DCDC1: variants seen among roughly 807,000 people sequenced by gnomAD.
DCDC1 encodes the protein doublecortin domain containing 1.
A neutral mutation model predicts 178.3 loss-of-function variants in DCDC1; 200 were observed. That is an observed-to-expected ratio of 1.12 (90% CI 1.00 to 1.26). The LOEUF (loss-of-function observed/expected upper bound fraction) is 1.26, where lower values mean the gene tolerates loss of function less well. DCDC1 is among the 50% of genes most tolerant of loss of function. The pLI, the probability that DCDC1 is intolerant of heterozygous loss-of-function variation, is 0.00. For synonymous variants in DCDC1, 690 were observed against 604.8 expected (o/e 1.14, Z -2.07); for missense variants, 1,983 against 1,749.2 (o/e 1.13, Z -2.38).
At chr11:30,948,467 C>T (rs1948199380) in intron 21 of DCDC1, among the ~76,000 whole-genome samples, 1 of 152,172 alleles carries the variant, frequency 6.6e-6, no homozygotes, top group South Asian at 2.1e-4. Context: ...CCCCATCAAG[C>T]TACCACTGAC....
At chr11:30,899,965 C>T (rs1944539688) in intron 33 of DCDC1, among the ~76,000 whole-genome samples, 1 of 152,068 alleles carries the variant, frequency 6.6e-6, no homozygotes, top group Non-Finnish European at 1.5e-5. Context: ...TTTAAACATC[C>T]ACCTACTGCC....
At chr11:31,153,061 G>T (rs756882741) in intron 9 of DCDC1, among the ~76,000 whole-genome samples, 1 of 152,014 alleles carries the variant, frequency 6.6e-6, no homozygotes, top group Non-Finnish European at 1.5e-5. Flanking sequence ...AACCTTGAGC[G>T]GGCTAAACCA....
At chr11:31,244,297 AGTTATTT>A (rs1203511565) in intron 8 of DCDC1, among the ~76,000 whole-genome samples, 1 of 151,772 alleles carries the variant, frequency 6.6e-6, no homozygotes, top group East Asian at 1.9e-4. Context: ...GATGTGAATT[AGTTATTT>A]AAGTGTTTTA....
intron 2 of DCDC1, among the ~76,000 whole-genome samples, chr11:31,333,953 G>A (rs1021829216): frequency 6.6e-6 from 1 of 152,122 alleles, no homozygotes; most frequent in Non-Finnish European, 1.5e-5. Flanking sequence ...AGTTCTCCTG[G>A]ATAATATCCT....
intron 11 of DCDC1, among the ~76,000 whole-genome samples, chr11:31,112,050 T>C (rs1031443292): frequency 1.5e-4 from 23 of 152,064 alleles, no homozygotes; most frequent in Admixed American, 4.6e-4. Context: ...CTGCAAATCC[T>C]ACAAGGGCAT....
chr11:31,282,264 T>C (rs373127351), intron 7 of DCDC1, among the ~76,000 whole-genome samples: 2 of 152,002 alleles, frequency 1.3e-5, no homozygotes, highest in Non-Finnish European at 2.9e-5. Flanking sequence ...TAGAGAGATT[T>C]TGAGATATAA....
At position 31,065,337 on chromosome 11, in the gene DCDC1, A is replaced by G. The variant is rs1227893323; in HGVS notation, c.2299-184T>C. Among the ~76,000 whole-genome samples, 6 of 152,138 alleles carry G rather than the reference A, an allele frequency of 3.9e-5. No individual in the cohort carries two copies. The South Asian group carries it at 8.3e-4, about 21-fold the overall frequency. On this transcript the variant is annotated intron_variant, in intron 18 of 38. Coordinates refer to ENST00000684477, the MANE Select transcript of DCDC1 (RefSeq NM_001387274.1). ...AAATGACTTTAATATTAACGTTTCT[A>G]ATTAGTTGTTTAATCTGATTAAGTT... is the stretch of plus-strand genomic sequence containing the variant.
chr11:31,139,361 G>A (rs537933102), intron 9 of DCDC1, among the ~76,000 whole-genome samples: 8 of 152,220 alleles, frequency 5.3e-5, no homozygotes, highest in Non-Finnish European at 8.8e-5. Context: ...ATATAAAAAA[G>A]CCCTTAATAC....
At chr11:30,930,516 A>C (rs976136209) in intron 22 of DCDC1, among the ~76,000 whole-genome samples, 5 of 152,158 alleles carry the variant, frequency 3.3e-5, no homozygotes, top group Non-Finnish European at 7.4e-5. Flanking sequence ...CTAATACCTG[A>C]ATACGTGATG....
intron 1 of DCDC1, among the ~76,000 whole-genome samples, chr11:31,341,812 T>TAAACAC (rs1555184213): frequency 2.1e-5 from 3 of 144,470 alleles, no homozygotes; most frequent in Non-Finnish European, 4.5e-5. Flanking sequence ...TGCATGACTA[T>TAAACAC]ACACACACAC....
chr11:30,945,859 C>A (rs534661169), intron 21 of DCDC1, among the ~76,000 whole-genome samples: 1 of 152,170 alleles, frequency 6.6e-6, no homozygotes, highest in Non-Finnish European at 1.5e-5. Context: ...TGTGAGGCAG[C>A]TCTGTTCACC....
intron 1 of DCDC1, among the ~76,000 whole-genome samples, chr11:31,342,973 T>G (rs1950622928): frequency 6.6e-6 from 1 of 152,164 alleles, no homozygotes; most frequent in African/African-American, 2.4e-5. Context: ...ATAAAGTAGT[T>G]CAGGAGTCAA....
intron 20 of DCDC1, among the ~76,000 whole-genome samples, chr11:30,964,223 T>C (rs1590572900): frequency 6.6e-6 from 1 of 152,286 alleles, no homozygotes; most frequent in Admixed American, 6.5e-5. Flanking sequence ...TAGTGATTAA[T>C]GGATAGAGAA....
intron 11 of DCDC1, among the ~76,000 whole-genome samples, chr11:31,114,980 AG>A (rs1959660012): frequency 6.6e-6 from 1 of 152,186 alleles, no homozygotes; most frequent in African/African-American, 2.4e-5. Flanking sequence ...GTTTATTAGC[AG>A]GACTGGAAAA....
intron 28 of DCDC1, among the ~76,000 whole-genome samples, chr11:30,910,849 G>C (rs1002459154): frequency 1.3e-4 from 20 of 152,192 alleles, no homozygotes; most frequent in Admixed American, 1.3e-3. Flanking sequence ...AATTTCAAAT[G>C]GGTTGTTTGG....
At chr11:30,918,832 C>A (rs1946043190) in intron 25 of DCDC1, among the ~76,000 whole-genome samples, 1 of 152,050 alleles carries the variant, frequency 6.6e-6, no homozygotes, top group Non-Finnish European at 1.5e-5. Context: ...TCTCTGTGTT[C>A]CAAAAATCTT....
intron 12 of DCDC1, among the ~76,000 whole-genome samples, chr11:31,107,315 C>T (rs1279530942): frequency 6.6e-6 from 1 of 152,162 alleles, no homozygotes; most frequent in African/African-American, 2.4e-5. Context: ...GTCTGAGCTA[C>T]ACATTTTGTT....
At chr11:31,059,343 G>C (rs1288269382) in intron 20 of DCDC1, among the ~76,000 whole-genome samples, 3 of 151,960 alleles carry the variant, frequency 2.0e-5, no homozygotes, top group Admixed American at 6.6e-5. Context: ...AACAGTATCA[G>C]CCAATATCAG....
intron 9 of DCDC1, among the ~76,000 whole-genome samples, chr11:31,229,311 G>T (rs1975444162): frequency 6.6e-6 from 1 of 151,718 alleles, no homozygotes; most frequent in Non-Finnish European, 1.5e-5. Context: ...ATAAACTATG[G>T]GCCAATGCCC....
Sources: gnomAD v4.1 joint callset for allele counts (sites outside exome capture counted in the v4.1 genomes callset) on GRCh38, gnomAD v4.1.1 for gene constraint, MANE v1.5 for transcripts, NCBI Gene and HGNC (gene_info 2026-07-23, HGNC 2026-07-21) for gene names.